GPRIN3: variants seen among roughly 807,000 people sequenced by gnomAD.
GPRIN3 encodes G protein-regulated inducer of neurite outgrowth 3.
A neutral mutation model predicts 13.7 loss-of-function variants in GPRIN3; 12 were observed. The ratio of observed to expected loss-of-function variants is 0.87; its 90% confidence interval spans 0.56 to 1.42. The LOEUF (loss-of-function observed/expected upper bound fraction) is 1.42, where lower values mean the gene tolerates loss of function less well. Among genes scored for constraint, GPRIN3 ranks in the 40% most tolerant of loss-of-function variants. The probability of loss-of-function intolerance (pLI) is 0.00; values close to 1 mark genes in which losing one functional copy is unlikely to be tolerated. For missense variants in GPRIN3, 1,009 were observed against 958.7 expected (o/e 1.05, Z -0.69); for synonymous variants, 377 against 372.7 (o/e 1.01, Z -0.13).
chr4:89,297,413 CT>C (rs1264213698), intron 1 of GPRIN3, among the ~76,000 whole-genome samples: 1 of 151,912 alleles, frequency 6.6e-6, no homozygotes, highest in African/African-American at 2.4e-5. Flanking sequence ...TGTTTTGTTT[CT>C]TGTTCATTCT....
chr4:89,275,598 T>A (rs1724070867), intron 1 of GPRIN3, among the ~76,000 whole-genome samples: 1 of 152,234 alleles, frequency 6.6e-6, no homozygotes, highest in Non-Finnish European at 1.5e-5. Context: ...GTGCCCTGGC[T>A]AACAAGATAA....
chr4:89,264,174 G>A (rs144500849), intron 1 of GPRIN3, among the ~76,000 whole-genome samples: 140 of 152,246 alleles, frequency 9.2e-4, no homozygotes, highest in African/African-American at 3.1e-3. Context: ...TAGGTCATGG[G>A]GGTGGATTCC....
At chr4:89,264,939 T>C (rs377227270) in intron 1 of GPRIN3, among the ~76,000 whole-genome samples, 1 of 152,224 alleles carries the variant, frequency 6.6e-6, no homozygotes, top group South Asian at 2.1e-4. Flanking sequence ...TTTTTGCTCA[T>C]TGATACCCTA....
At chr4:89,271,731 T>C (rs1015799954) in intron 1 of GPRIN3, among the ~76,000 whole-genome samples, 21 of 151,750 alleles carry the variant, frequency 1.4e-4, no homozygotes, top group Admixed American at 2.6e-4. Context: ...GTTAAAACAA[T>C]AGTCTGGACA....
rs940611999 is a variant in GPRIN3 at position 89,243,993 on chromosome 4, C to T, written c.*3787G>A. The T allele has an allele frequency of 6.6e-6, 1 of 152,140 alleles. No homozygotes were observed. Among genetic ancestry groups the T allele is most frequent in the Non-Finnish European group, 1.5e-5 (1 of 68,012 alleles). 9.4% of individuals were successfully genotyped at this position (152,140 alleles called of 1,614,324 possible). A position where few individuals can be genotyped will look rare whatever the true frequency, so the allele number is the denominator to read the frequency against. On this transcript the variant is annotated 3_prime_UTR_variant, in exon 2 of 2. Coordinates refer to ENST00000609438, the MANE Select transcript of GPRIN3 (RefSeq NM_198281.3). ...GTAACAAAGTGGATGCAGAAAAGGACAAACAATTTATATTAACAGCACACT... is the reference window on the plus strand; with the variant it reads ...GTAACAAAGTGGATGCAGAAAAGGATAAACAATTTATATTAACAGCACACT...
intron 1 of GPRIN3, among the ~76,000 whole-genome samples, chr4:89,276,466 A>G (rs566694983): frequency 1.3e-5 from 2 of 152,324 alleles, no homozygotes; most frequent in East Asian, 3.9e-4. Context: ...TATCATTTAT[A>G]TGTGCAGAGA....
rs950214480 is a variant in GPRIN3 at position 89,275,811 on chromosome 4, G to A, written c.-123-25578C>T. Among the ~76,000 whole-genome samples, 12 of 152,140 alleles carry A rather than the reference G, an allele frequency of 7.9e-5. No individual in the cohort carries two copies. The South Asian group carries it at 2.1e-3, about 26-fold the overall frequency. ...CAATGACGAACTACAATGCCGTCAC[G>A]GTAATGCAATCTGGGATACCGATCA... is the stretch of plus-strand genomic sequence containing the variant. On this transcript the variant is annotated intron_variant, in intron 1 of 1. Transcript: ENST00000609438.
At chr4:89,291,196 A>C (rs58613304) in intron 1 of GPRIN3, among the ~76,000 whole-genome samples, 5 of 152,184 alleles carry the variant, frequency 3.3e-5, no homozygotes, top group Non-Finnish European at 7.3e-5. Context: ...TTAAGAATTA[A>C]CACAAGTCAC....
At position 89,249,697 on chromosome 4, in the gene GPRIN3, G is replaced by A. The variant is rs1723261717; in HGVS notation, c.414C>T (p.Ile138=). ...MPANQHTCQS[I]PGDQPNAITS... ...TGATGGCATTGGGCTGATCACCTGG[G>A]ATGGACTGGCAGGTGTGCTGATTGG... is the stretch of plus-strand genomic sequence containing the variant. Residue 138 remains isoleucine (I), a synonymous_variant, in exon 2 of 2, where the codon ATC becomes ATT. Transcript: ENST00000609438. The A allele has an allele frequency of 6.2e-7, 1 of 1,614,158 alleles. No homozygotes were observed. Among genetic ancestry groups the A allele is most frequent in the Non-Finnish European group, 8.5e-7 (1 of 1,179,986 alleles).
In GPRIN3 at chr4:89,248,211, T is replaced by C. The variant is rs745630153; in HGVS notation, c.1900A>G (p.Arg634Gly). The C allele has an allele frequency of 3.5e-5, 56 of 1,614,092 alleles. No individual in the cohort carries two copies. The African/African-American group carries it at 6.4e-4, about 18-fold the overall frequency. The change falls in exon 2 of 2, where the codon AGG becomes GGG. Residue 634 changes from arginine (R) to glycine (G), a missense_variant. Arg to Gly is a moderately radical substitution (Grantham distance 125). Transcript: ENST00000609438. ...AGGAACTCGCTGACGCGGCTGGGCC[T>C]GCGTGGGCTGGCTTTGACGGAGCGA... ...PSRSVKASPR[R>G]PSRVSEFLKE...
At chr4:89,282,164 A>G (rs950301624) in intron 1 of GPRIN3, among the ~76,000 whole-genome samples, 3 of 152,162 alleles carry the variant, frequency 2.0e-5, no homozygotes, top group African/African-American at 7.2e-5. Context: ...AACATAAAAG[A>G]ATAGCCATTT....
At chr4:89,303,572 G>T (rs1724956746) in intron 1 of GPRIN3, among the ~76,000 whole-genome samples, 1 of 151,916 alleles carries the variant, frequency 6.6e-6, no homozygotes, top group Non-Finnish European at 1.5e-5. Context: ...ACTCAAAAAA[G>T]GTCAAATATA....
rs565565276 is a variant in GPRIN3 at position 89,236,426 on chromosome 4, C to A, written c.*11354G>T. ...TATCAAAAGTTTATTAAATAGAATA[C>A]AATGGCAAAATTCAAGGCTTTTAAC... On this transcript the variant is annotated 3_prime_UTR_variant, in exon 2 of 2. Transcript: ENST00000609438. 2 of 152,202 alleles carry A rather than the reference C, an allele frequency of 1.3e-5. No homozygotes were observed. Among genetic ancestry groups the A allele is most frequent in the East Asian group, 3.9e-4 (2 of 5,188 alleles). 9.4% of individuals were successfully genotyped at this position (152,202 alleles called of 1,614,324 possible).
chr4:89,292,091 C>T (rs1470047893), intron 1 of GPRIN3, among the ~76,000 whole-genome samples: 1 of 152,098 alleles, frequency 6.6e-6, no homozygotes, highest in African/African-American at 2.4e-5. Flanking sequence ...TTGCAAATAA[C>T]ACATGCTACT....
rs1491394999 is a variant in GPRIN3, at chr4:89,270,601, A to AT, written c.-123-20369_-123-20368insA. Among the ~76,000 whole-genome samples the AT allele has an allele frequency of 5.9e-3, 475 of 80,532 alleles. 1 individual carries two copies. The highest frequency in any genetic ancestry group is 0.031 in the African/African-American group (373 of 11,928). 52.8% of individuals were successfully genotyped at this position (80,532 alleles called of 152,430 possible). On this transcript the variant is annotated intron_variant, in intron 1 of 1. Transcript: ENST00000609438. ...TATATATATATATATATATATATAT[A>AT]AAATATAGATATATATGCAGCCTCA...
intron 1 of GPRIN3, among the ~76,000 whole-genome samples, chr4:89,279,330 G>A (rs193106184): frequency 2.0e-5 from 3 of 152,076 alleles, no homozygotes; most frequent in African/African-American, 4.8e-5. Context: ...CACCACCCGC[G>A]CCCTGCCACC....
At position 89,245,717 on chromosome 4, in the gene GPRIN3, A is replaced by C. The variant is rs1228379528; in HGVS notation, c.*2063T>G. The C allele has an allele frequency of 6.6e-6, 1 of 152,352 alleles. No individual in the cohort carries two copies. Among genetic ancestry groups the C allele is most frequent in the East Asian group, 1.9e-4 (1 of 5,174 alleles). 9.4% of individuals were successfully genotyped at this position (152,352 alleles called of 1,614,324 possible). A position where few individuals can be genotyped will look rare whatever the true frequency, so the allele number is the denominator to read the frequency against. On this transcript the variant is annotated 3_prime_UTR_variant, in exon 2 of 2. Transcript: ENST00000609438. Reference sequence around the variant, plus strand: ...TGGGAGGGAGAAGCCAGCTAGCAAGAGTTAGAGAGATTATGTCCTGGCAGA... The same window carrying C: ...TGGGAGGGAGAAGCCAGCTAGCAAGCGTTAGAGAGATTATGTCCTGGCAGA...
rs898347580 is a variant in GPRIN3, at chr4:89,244,101, C to G, written c.*3679G>C. On this transcript the variant is annotated 3_prime_UTR_variant, in exon 2 of 2. Coordinates refer to ENST00000609438, the MANE Select transcript of GPRIN3 (RefSeq NM_198281.3). ...CTATATATAGGGATTCTCAGAATGACAGGCATTCCCAGAAATGAGAGGAAA... is the reference window on the plus strand; with the variant it reads ...CTATATATAGGGATTCTCAGAATGAGAGGCATTCCCAGAAATGAGAGGAAA... 6.6e-6 allele frequency: 1 copy of G among 152,188 alleles called. No individual in the cohort carries two copies. The highest frequency in any genetic ancestry group is 2.4e-5 in the African/African-American group (1 of 41,462). 9.4% of individuals were successfully genotyped at this position (152,188 alleles called of 1,614,324 possible).
At chr4:89,264,546 A>G (rs1723732769) in intron 1 of GPRIN3, among the ~76,000 whole-genome samples, 1 of 152,092 alleles carries the variant, frequency 6.6e-6, no homozygotes, top group Non-Finnish European at 1.5e-5. Flanking sequence ...TGGGGAAGAG[A>G]GTTCTAGGCA....
Sources: allele counts gnomAD v4.1 joint callset (sites outside exome capture counted in the v4.1 genomes callset), GRCh38; gene constraint gnomAD v4.1.1; transcripts MANE v1.5; gene names NCBI Gene and HGNC (gene_info 2026-07-23, HGNC 2026-07-21).